The following HCRTR2 variants were observed in gnomAD, a reference collection of about 807,000 sequenced individuals.
The protein encoded by HCRTR2 is orexin receptor type 2.
HCRTR2 carries 22 observed loss-of-function variants against 49.0 expected under a neutral mutation model. That is an observed-to-expected ratio of 0.45 (90% CI 0.32 to 0.64). The LOEUF is 0.64. Among genes scored for constraint, HCRTR2 ranks in the 30% least tolerant of loss-of-function variants. HCRTR2 has a pLI of 0.04. For missense variants in HCRTR2, 491 were observed against 559.4 expected, an observed-to-expected ratio of 0.88 and a Z score of 1.23; for synonymous variants, 236 against 205.3, an observed-to-expected ratio of 1.15 and a Z score of -1.28.
intron 4 of HCRTR2, among the ~76,000 whole-genome samples, chr6:55,269,983 G>A (rs1258857354): frequency 6.6e-6 from 1 of 152,092 alleles, no homozygotes; most frequent in Non-Finnish European, 1.5e-5. Context: ...AAATTCTTCA[G>A]CATAAACATG....
intron 1 of HCRTR2, among the ~76,000 whole-genome samples, chr6:55,130,669 C>T (rs1351757000): frequency 1.3e-5 from 2 of 151,822 alleles, no homozygotes; most frequent in African/African-American, 2.4e-5. Flanking sequence ...TAACAAAGCA[C>T]ATAGAACCTG....
intron 1 of HCRTR2, among the ~76,000 whole-genome samples, chr6:55,160,001 C>A (rs1005987940): frequency 6.6e-6 from 1 of 152,092 alleles, no homozygotes; most frequent in Non-Finnish European, 1.5e-5. Context: ...CACAAAGATA[C>A]TCCTCGAGAA....
chr6:55,166,128 T>G (rs1461868095), intron 1 of HCRTR2, among the ~76,000 whole-genome samples: 3 of 152,150 alleles, frequency 2.0e-5, no homozygotes, highest in Non-Finnish European at 4.4e-5. Context: ...GTACCACATT[T>G]ATTGATTTGC....
chr6:55,282,090 A>G (rs1423610598), intron 6 of HCRTR2, 135 bp from the exon 7 acceptor site: 3 of 673,528 alleles, frequency 4.5e-6, no homozygotes, highest in Non-Finnish European at 8.1e-6. Flanking sequence ...TCCTTATTCT[A>G]TTTTACCCAT....
chr6:55,248,894 C>A (rs1766497503), intron 2 of HCRTR2, 77 bp downstream of exon 2: 2 of 1,191,276 alleles, frequency 1.7e-6, no homozygotes, highest in Middle Eastern at 3.8e-4. Context: ...GGTAAATTAA[C>A]TAGTGAGTTG....
intron 1 of HCRTR2, among the ~76,000 whole-genome samples, chr6:55,175,707 G>T (rs1317163332): frequency 5.9e-5 from 9 of 152,210 alleles, no homozygotes; most frequent in South Asian, 2.1e-4. Context: ...AATTTCTGAG[G>T]GTTGGGGAGG....
At chr6:55,209,905 T>C (rs1220628082) in intron 1 of HCRTR2, among the ~76,000 whole-genome samples, 1 of 152,162 alleles carries the variant, frequency 6.6e-6, no homozygotes, top group African/African-American at 2.4e-5. Flanking sequence ...GTCATTTGCG[T>C]CTTCGAAGAA....
intron 2 of HCRTR2, among the ~76,000 whole-genome samples, chr6:55,252,373 T>A (rs1189673405): frequency 6.6e-6 from 1 of 152,104 alleles, no homozygotes; most frequent in Non-Finnish European, 1.5e-5. Flanking sequence ...GCTACATCTA[T>A]CCCATTTATC....
At chr6:55,281,395 G>A (rs1245335159) in intron 6 of HCRTR2, among the ~76,000 whole-genome samples, 1 of 152,184 alleles carries the variant, frequency 6.6e-6, no homozygotes, top group African/African-American at 2.4e-5. Context: ...AATGAGAAGT[G>A]TTTGAAGCAG....
chr6:55,170,591 ATTTTTATT>A (rs1764934755), upstream of HCRTR2, among the ~76,000 whole-genome samples: 1 of 138,248 alleles, frequency 7.2e-6, no homozygotes, highest in South Asian at 2.2e-4. Context: ...TTATTTATTT[ATTTTTATT>A]ATACTTTAAG....
At chr6:55,275,091 T>TAGCATGTTTGC (rs1476526170) in intron 4 of HCRTR2, among the ~76,000 whole-genome samples, 3 of 152,200 alleles carry the variant, frequency 2.0e-5, no homozygotes, top group Non-Finnish European at 4.4e-5. Context: ...TTAATGTTTG[T>TAGCATGTTTGC]AGCATGTTTG....
At chr6:55,108,314 T>C (rs556105218) in intron 1 of HCRTR2, among the ~76,000 whole-genome samples, 66 of 152,080 alleles carry the variant, frequency 4.3e-4, no homozygotes, top group African/African-American at 1.4e-3. Context: ...ATTATGAGCT[T>C]TTGCTCCAAG....
In HCRTR2 at chr6:55,280,380, C is replaced by T; in HGVS notation, c.1041C>T (p.Thr347=). ...EDRETVYAWF[T]FSHWLVYANS... ...GAGAGACTGTGTATGCCTGGTTTAC[C>T]TTTTCACACTGGCTTGTATATGCCA... is the stretch of plus-strand genomic sequence containing the variant. Residue 347 remains threonine, a synonymous_variant, in exon 6 of 7, where the codon ACC becomes ACT. Transcript: ENST00000370862. 1 of 1,613,052 alleles carries T rather than the reference C, an allele frequency of 6.2e-7. No individual in the cohort carries two copies. Among genetic ancestry groups the T allele is most frequent in the Middle Eastern group, 1.7e-4 (1 of 6,058 alleles).
intron 1 of HCRTR2, among the ~76,000 whole-genome samples, chr6:55,206,230 G>A (rs1212410410): frequency 3.3e-5 from 5 of 151,988 alleles, no homozygotes; most frequent in Non-Finnish European, 7.4e-5. Context: ...TGTGAGTGGA[G>A]TTATACAAAC....
chr6:55,161,896 C>G (rs766067751), intron 1 of HCRTR2, among the ~76,000 whole-genome samples: 1 of 152,118 alleles, frequency 6.6e-6, no homozygotes, highest in African/African-American at 2.4e-5. Flanking sequence ...CCAAATTCTA[C>G]AAGAGGTACA....
intron 1 of HCRTR2, among the ~76,000 whole-genome samples, chr6:55,167,565 A>T (rs1202513895): frequency 6.6e-6 from 1 of 152,224 alleles, no homozygotes; most frequent in Non-Finnish European, 1.5e-5. Flanking sequence ...AATAACATGT[A>T]TTGAAAGCAC....
At chr6:55,196,470 G>A (rs1256793088) in intron 1 of HCRTR2, among the ~76,000 whole-genome samples, 1 of 152,060 alleles carries the variant, frequency 6.6e-6, no homozygotes, top group Non-Finnish European at 1.5e-5. Context: ...CTTTCCCTTT[G>A]CCACATTAAA....
At chr6:55,186,716 G>C (rs980153730) in intron 1 of HCRTR2, among the ~76,000 whole-genome samples, 1 of 152,166 alleles carries the variant, frequency 6.6e-6, no homozygotes, top group African/African-American at 2.4e-5. Flanking sequence ...AATACTTAAT[G>C]AACTGTGTCC....
In HCRTR2 at chr6:55,267,403, TG is replaced by T. The variant is rs1300472529; in HGVS notation, c.762+3582del. On this transcript the variant is annotated intron_variant, in intron 4 of 6. Coordinates refer to ENST00000370862, the MANE Select transcript of HCRTR2 (RefSeq NM_001384272.1). The stretch of plus-strand genomic sequence containing the variant: ...GAACTACTTAAATTCTCTCTCTCTC[TG>T]TTTTTTTTTTTTTTTTTGGCAATTC... 2.1e-3 allele frequency among the ~76,000 whole-genome samples: 272 copies of T among 129,502 alleles called. 1 individual carries two copies. The highest frequency in any genetic ancestry group is 8.0e-3 in the African/African-American group (238 of 29,832). 85.0% of individuals were successfully genotyped at this position (129,502 alleles called of 152,430 possible).
Sources: allele counts gnomAD v4.1 joint callset (sites outside exome capture counted in the v4.1 genomes callset), GRCh38; gene constraint gnomAD v4.1.1; transcripts MANE v1.5; gene names NCBI Gene and HGNC (gene_info 2026-07-23, HGNC 2026-07-21).